DENND5B: variants seen among roughly 807,000 people sequenced by gnomAD.
DENND5B encodes DENN domain-containing protein 5B.
In DENND5B, 34 loss-of-function variants were observed where a neutral mutation model predicts 140.6. That is an observed-to-expected ratio of 0.24 (90% CI 0.18 to 0.32). The LOEUF (loss-of-function observed/expected upper bound fraction) is 0.32, where lower values mean the gene tolerates loss of function less well. Among genes scored for constraint, DENND5B ranks in the 10% least tolerant of loss-of-function variants. The pLI, the probability that DENND5B is intolerant of heterozygous loss-of-function variation, is 1.00. For missense variants in DENND5B, 1,142 were observed against 1,560.2 expected (o/e 0.73, Z 4.52); for synonymous variants, 551 against 562.1 (o/e 0.98, Z 0.28).
At chr12:31,528,233 C>G (rs1442483553) in intron 1 of DENND5B, among the ~76,000 whole-genome samples, 1 of 152,216 alleles carries the variant, frequency 6.6e-6, no homozygotes, top group Non-Finnish European at 1.5e-5. Context: ...AAATTCATTT[C>G]TTGTTTCTTC....
In DENND5B at chr12:31,452,044, G is replaced by C; in HGVS notation, c.1525C>G (p.Arg509Gly). 6.2e-7 allele frequency: 1 copy of C among 1,613,854 alleles called. No homozygotes were observed. Among genetic ancestry groups the C allele is most frequent in the Non-Finnish European group, 8.5e-7 (1 of 1,179,882 alleles). Reference sequence around the variant, plus strand: ...TAATCTGCAAACATCTGTGTAAAACGGTTAGCAAAGACCTCTCGGAGCTGT... The same window carrying C: ...TAATCTGCAAACATCTGTGTAAAACCGTTAGCAAAGACCTCTCGGAGCTGT... ...NVQLREVFAN[R>G]FTQMFADYEA... The change falls in exon 5 of 21, where the codon CGT (arginine) becomes GGT (glycine). Residue 509 changes from arginine (R) to glycine (G), a missense_variant. Coordinates refer to ENST00000389082, the MANE Select transcript of DENND5B (RefSeq NM_144973.4).
Position 31,521,286 on chromosome 12 carries a change from TCAGA to T in DENND5B, c.128-25371_128-25368del, listed in dbSNP as rs1947872602. 2.0e-5 allele frequency among the ~76,000 whole-genome samples: 3 copies of T among 150,664 alleles called. No individual in the cohort carries two copies. In the Admixed American group the frequency reaches 2.0e-4, roughly 10 times the overall value. On this transcript the variant is annotated intron_variant, in intron 1 of 20. Coordinates refer to ENST00000389082, the MANE Select transcript of DENND5B (RefSeq NM_144973.4). ...GTACATTCTGTGGGGTGTGCAGATA[TCAGA>T]CATTCACTTTAGTACAAAAAAACTT... is the stretch of plus-strand genomic sequence containing the variant.
chr12:31,509,124 C>A (rs1947313078), intron 1 of DENND5B, among the ~76,000 whole-genome samples: 1 of 152,122 alleles, frequency 6.6e-6, no homozygotes, highest in Non-Finnish European at 1.5e-5. Context: ...AGAAAATCCT[C>A]AAGATGATCC....
chr12:31,556,015 G>A (rs530265962), intron 1 of DENND5B, among the ~76,000 whole-genome samples: 2 of 152,346 alleles, frequency 1.3e-5, no homozygotes, highest in African/African-American at 4.8e-5. Flanking sequence ...CGGGTGAGGT[G>A]ATGCCTCGCC....
intron 5 of DENND5B, among the ~76,000 whole-genome samples, chr12:31,451,257 T>C (rs773315732): frequency 1.3e-5 from 2 of 152,166 alleles, no homozygotes; most frequent in African/African-American, 4.8e-5. Flanking sequence ...AAAACTGTTA[T>C]AAGGTTAAAC....
rs1381584073 is a variant in DENND5B at position 31,447,533 on chromosome 12, T to C, written c.1861+5A>G. 1.3e-6 allele frequency: 2 copies of C among 1,596,736 alleles called. No homozygotes were observed. The highest frequency in any genetic ancestry group is 2.2e-5 in the East Asian group (1 of 44,620). On this transcript the variant is annotated splice_donor_5th_base_variant and intron_variant, in intron 6 of 20. Transcript: ENST00000389082. ...AATTTAATTTAAAAGGCATGGCAAA[T>C]GTACCTGCTTCTTTTAAAGTGCTGC...
chr12:31,454,955 A>C (rs1229105974), intron 4 of DENND5B, among the ~76,000 whole-genome samples: 2 of 150,806 alleles, frequency 1.3e-5, no homozygotes, highest in East Asian at 3.9e-4. Flanking sequence ...AGTAGCTGGG[A>C]CTACAGGTGC....
chr12:31,435,127 CCT>C (rs1483311188), intron 7 of DENND5B, among the ~76,000 whole-genome samples: 3 of 151,998 alleles, frequency 2.0e-5, no homozygotes, highest in African/African-American at 7.3e-5. Flanking sequence ...AAGACTATCC[CCT>C]CACTTCCCTA....
intron 3 of DENND5B, among the ~76,000 whole-genome samples, chr12:31,472,496 T>A (rs1326537472): frequency 6.6e-6 from 1 of 152,172 alleles, no homozygotes; most frequent in African/African-American, 2.4e-5. Flanking sequence ...TTCCCTATGT[T>A]GGCCAGGCTG....
At chr12:31,573,649 T>C (rs1319796999) in intron 1 of DENND5B, among the ~76,000 whole-genome samples, 1 of 152,256 alleles carries the variant, frequency 6.6e-6, no homozygotes, top group African/African-American at 2.4e-5. Flanking sequence ...ACTCTTATAA[T>C]GACTCCATGA....
In DENND5B at chr12:31,389,435, A is replaced by G; in HGVS notation, c.3530T>C (p.Ile1177Thr). The change falls in exon 20 of 21, where the codon ATT (isoleucine) becomes ACT (threonine). Residue 1177 changes from isoleucine (I) to threonine (T), a missense_variant. Physicochemically the swap from Ile to Thr is moderately conservative, Grantham distance 89. Around this residue, in one of 5 missense-constraint regions of DENND5B, gnomAD observed 125 missense variants for 179.0 expected, o/e 0.70. Coordinates refer to ENST00000389082, the MANE Select transcript of DENND5B (RefSeq NM_144973.4). The stretch of plus-strand genomic sequence containing the variant: ...GAAGGTTTTGCAGGATGATTTCTGA[A>G]TAAGGACATCATCTTCATTATCTAG... Reference protein sequence around the residue: ...QILDNEDDVLIQKSSCKTFCH... With the variant: ...QILDNEDDVLTQKSSCKTFCH... 2.5e-6 allele frequency: 4 copies of G among 1,608,556 alleles called. No homozygotes were observed. Among genetic ancestry groups the G allele is most frequent in the Non-Finnish European group, 3.4e-6 (4 of 1,177,242 alleles).
chr12:31,538,755 G>C (rs922101577), intron 1 of DENND5B, among the ~76,000 whole-genome samples: 1 of 152,088 alleles, frequency 6.6e-6, no homozygotes, highest in African/African-American at 2.4e-5. Flanking sequence ...TGTAATCTCA[G>C]TTACTCGGGA....
intron 1 of DENND5B, among the ~76,000 whole-genome samples, chr12:31,573,247 GAAT>G (rs1055887523): frequency 1.8e-4 from 28 of 152,208 alleles, no homozygotes; most frequent in African/African-American, 6.3e-4. Flanking sequence ...AGGCAAATTT[GAAT>G]ATTATGAAAT....
chr12:31,444,446 A>G (rs552747518), intron 6 of DENND5B, among the ~76,000 whole-genome samples: 16 of 152,170 alleles, frequency 1.1e-4, no homozygotes, highest in Non-Finnish European at 1.9e-4. Context: ...GTTTCACCAC[A>G]TTGGCCAGGC....
intron 4 of DENND5B, among the ~76,000 whole-genome samples, chr12:31,452,951 A>G (rs968310587): frequency 6.6e-6 from 1 of 152,164 alleles, no homozygotes; most frequent in Non-Finnish European, 1.5e-5. Flanking sequence ...CAAATACATG[A>G]TATTAGGTAA....
intron 1 of DENND5B, among the ~76,000 whole-genome samples, chr12:31,573,329 C>T (rs1210887670): frequency 1.3e-5 from 2 of 152,188 alleles, no homozygotes; most frequent in Non-Finnish European, 2.9e-5. Context: ...ACCAATCTCT[C>T]GCTCACACAT....
At chr12:31,440,448 C>T (rs1466155282) in intron 7 of DENND5B, among the ~76,000 whole-genome samples, 1 of 152,192 alleles carries the variant, frequency 6.6e-6, no homozygotes, top group Non-Finnish European at 1.5e-5. Context: ...AAATTTCAGT[C>T]ATTAGTTATT....
chr12:31,402,127 C>T (rs1350250251), intron 15 of DENND5B, among the ~76,000 whole-genome samples: 1 of 150,656 alleles, frequency 6.6e-6, no homozygotes, highest in Non-Finnish European at 1.5e-5. Flanking sequence ...GTCCTTTTGC[C>T]AAAGGATGAC....
intron 3 of DENND5B, among the ~76,000 whole-genome samples, chr12:31,474,101 T>C (rs1945682180): frequency 6.6e-6 from 1 of 152,184 alleles, no homozygotes. Flanking sequence ...AGCTTCCACC[T>C]TCTGACAAGG....
Sources: gnomAD v4.1 joint callset for allele counts (sites outside exome capture counted in the v4.1 genomes callset) on GRCh38, gnomAD v4.1.1 for gene constraint, gnomAD v4.1.1 regional missense constraint, MANE v1.5 for transcripts, NCBI Gene and HGNC (gene_info 2026-07-23, HGNC 2026-07-21) for gene names.